KCNU1: variants seen among roughly 807,000 people sequenced by gnomAD.
The protein encoded by KCNU1 is potassium channel subfamily U member 1.
In KCNU1, 93 loss-of-function variants were observed where a neutral mutation model predicts 126.8. The ratio of observed to expected loss-of-function variants is 0.73; its 90% CI spans 0.62 to 0.87. The LOEUF is 0.87. KCNU1 is among the 40% of genes least tolerant of loss of function. The pLI is 0.00. For missense variants in KCNU1, 1,330 were observed against 1,367.1 expected, an observed-to-expected ratio of 0.97 and a Z score of 0.43; for synonymous variants, 523 against 494.2, an observed-to-expected ratio of 1.06 and a Z score of -0.77.
intron 22 of KCNU1, among the ~76,000 whole-genome samples, 152 bp from the exon 23 acceptor site, chr8:36,918,671 T>A (rs1353988742): frequency 6.6e-6 from 1 of 151,888 alleles, no homozygotes; most frequent in African/African-American, 2.4e-5. Context: ...CACATAACAA[T>A]TTTTTGTCTA....
chr8:36,784,704 A>C, intron 1 of KCNU1, 99 bp downstream of exon 1: 1 of 962,546 alleles, frequency 1.0e-6, no homozygotes, highest in Non-Finnish European at 1.5e-6. Context: ...CAGTTTTTCA[A>C]GCTAACAGAG....
intron 18 of KCNU1, among the ~76,000 whole-genome samples, chr8:36,859,318 C>T (rs1805644694): frequency 6.6e-6 from 1 of 152,148 alleles, no homozygotes; most frequent in African/African-American, 2.4e-5. Flanking sequence ...TGAATTAGTA[C>T]AATTATCAGG....
chr8:36,842,645 A>G (rs1804999182), intron 16 of KCNU1, among the ~76,000 whole-genome samples: 1 of 152,144 alleles, frequency 6.6e-6, no homozygotes, highest in African/African-American at 2.4e-5. Context: ...CACCTGGCTT[A>G]TATGTCAGAA....
At chr8:36,902,327 A>T (rs909455137) in intron 19 of KCNU1, among the ~76,000 whole-genome samples, 5 of 152,164 alleles carry the variant, frequency 3.3e-5, no homozygotes, top group Non-Finnish European at 7.4e-5. Flanking sequence ...ATTCTGAGTC[A>T]TGTTAAAATG....
At chr8:36,883,275 C>T (rs918092085) in intron 19 of KCNU1, among the ~76,000 whole-genome samples, 3 of 152,200 alleles carry the variant, frequency 2.0e-5, no homozygotes, top group Admixed American at 6.5e-5. Context: ...AAAGAAGAGA[C>T]ACGTGGCACT....
intron 19 of KCNU1, among the ~76,000 whole-genome samples, chr8:36,884,242 G>A (rs1806602747): frequency 6.6e-6 from 1 of 152,168 alleles, no homozygotes; most frequent in Non-Finnish European, 1.5e-5. Context: ...GTCAGCTCCT[G>A]ATTTTTAATG....
chr8:36,922,881 G>C, intron 24 of KCNU1: 1 of 577,892 alleles, frequency 1.7e-6, no homozygotes. Flanking sequence ...GGAAGAGTGA[G>C]TGTCGGCCTC....
At chr8:36,836,732 C>G in intron 13 of KCNU1, 61 bp from the exon 14 acceptor site, 1 of 1,444,790 alleles carries the variant, frequency 6.9e-7, no homozygotes, top group Non-Finnish European at 9.6e-7. Flanking sequence ...CATCCATCCT[C>G]AAGAGCTTTC....
chr8:36,902,370 T>C (rs561860858), intron 19 of KCNU1, among the ~76,000 whole-genome samples: 1 of 152,186 alleles, frequency 6.6e-6, no homozygotes, highest in South Asian at 2.1e-4. Flanking sequence ...AATTTGCCAA[T>C]AGGGCATTTA....
At chr8:36,838,010 G>C (rs1004287982) in intron 14 of KCNU1, among the ~76,000 whole-genome samples, 1 of 152,122 alleles carries the variant, frequency 6.6e-6, no homozygotes, top group African/African-American at 2.4e-5. Flanking sequence ...AGGTGCTCTG[G>C]CCAGCTATAT....
At chr8:36,817,544 C>A in intron 9 of KCNU1, 106 bp from the exon 10 acceptor site, 11 of 534,538 alleles carry the variant, frequency 2.1e-5, no homozygotes, top group South Asian at 8.1e-5. Context: ...ATGCAAATAC[C>A]ATATTTATTG....
chr8:36,847,344 C>T (rs1805187534), intron 18 of KCNU1, among the ~76,000 whole-genome samples: 1 of 152,136 alleles, frequency 6.6e-6, no homozygotes, highest in African/African-American at 2.4e-5. Flanking sequence ...TCACCTCAAA[C>T]TTTTGTCATT....
intron 19 of KCNU1, chr8:36,889,033 C>G (rs1806841926): frequency 6.4e-6 from 3 of 465,482 alleles, no homozygotes; most frequent in African/African-American, 2.0e-5. Flanking sequence ...CATACACCAC[C>G]ATGCCCAGCT....
Position 36,931,127 on chromosome 8 carries a change from C to T in KCNU1, c.2913C>T (p.Thr971=), listed in dbSNP as rs1808690532. The part of the protein sequence containing the change: ...CKLGLLSLHE[T]ILSDVNPRNT... ...TGGGGCTTCTGTCCTTACACGAAAC[C>T]ATTTTATCAGACGTTAATGTGAGTC... is the stretch of plus-strand genomic sequence containing the variant. The change falls in exon 25 of 27, where the codon ACC becomes ACT. Residue 971 remains threonine, a synonymous_variant. Transcript: ENST00000399881. 1 of 1,606,960 alleles carries T rather than the reference C, an allele frequency of 6.2e-7. No homozygotes were observed. The highest frequency in any genetic ancestry group is 1.7e-5 in the Admixed American group (1 of 58,732).
rs567365039 is a variant in KCNU1 at position 36,909,623 on chromosome 8, C to T, written c.2331+88C>T. On this transcript the variant is annotated intron_variant, in intron 21 of 26. Transcript: ENST00000399881. ...TAATAATGATAATATTGCAGTTCTACAGTCCTTGCCAGATGCCAGAAACTG... is the reference window on the plus strand; with the variant it reads ...TAATAATGATAATATTGCAGTTCTATAGTCCTTGCCAGATGCCAGAAACTG... 9.8e-5 allele frequency: 77 copies of T among 784,034 alleles called. 2 individuals are homozygous for T. Among genetic ancestry groups the T allele is most frequent in the South Asian group, 7.2e-4 (41 of 56,774 alleles). The allele number at this position is 784,034 out of a possible 1,614,324, so 48.6% of individuals were successfully genotyped here. A position where few individuals can be genotyped will look rare whatever the true frequency, so the allele number is the denominator to read the frequency against.
intron 19 of KCNU1, among the ~76,000 whole-genome samples, chr8:36,899,216 C>T (rs975928757): frequency 1.3e-5 from 2 of 152,016 alleles, no homozygotes; most frequent in African/African-American, 4.8e-5. Flanking sequence ...CTAATAGAAA[C>T]TCTATCCTAG....
Position 36,911,129 on chromosome 8 carries a change from G to T in KCNU1, c.2521+10G>T. The T allele has an allele frequency of 6.3e-7, 1 of 1,589,788 alleles. No individual in the cohort carries two copies. Among genetic ancestry groups the T allele is most frequent in the Non-Finnish European group, 8.6e-7 (1 of 1,163,586 alleles). On this transcript the variant is annotated intron_variant, in intron 22 of 26. Coordinates refer to ENST00000399881, the MANE Select transcript of KCNU1 (RefSeq NM_001031836.3). ...TCACCCTCAGTGTCAGGTGAGAACA[G>T]CACCCCTGAAAAGAAGAAACTAGGA...
chr8:36,797,181 T>C (rs1803131221), intron 2 of KCNU1, among the ~76,000 whole-genome samples: 1 of 152,164 alleles, frequency 6.6e-6, no homozygotes, highest in Admixed American at 6.5e-5. Flanking sequence ...ATTCACATAA[T>C]ATGAATATAA....
chr8:36,807,363 A>G lies in KCNU1; in HGVS notation c.581-12A>G, dbSNP rs369361799. ...TGATTTTGGCAGCTTTCTCCTTTCC[A>G]TTGGTTTGTAGGTTTAAGGTTCCTA... On this transcript the variant is annotated splice_polypyrimidine_tract_variant and intron_variant, in intron 5 of 26. Coordinates refer to ENST00000399881, the MANE Select transcript of KCNU1 (RefSeq NM_001031836.3). 3.2e-5 allele frequency: 51 copies of G among 1,610,386 alleles called. No homozygotes were observed. The African/African-American group carries it at 5.6e-4, about 18-fold the overall frequency.
Sources: allele counts gnomAD v4.1 joint callset (sites outside exome capture counted in the v4.1 genomes callset), GRCh38; gene constraint gnomAD v4.1.1; transcripts MANE v1.5; gene names NCBI Gene and HGNC (gene_info 2026-07-23, HGNC 2026-07-21).